Variants in ZNF469 observed in about 807,000 individuals in gnomAD.
The protein encoded by ZNF469 is zinc finger protein 469.
A neutral mutation model predicts 1.0 loss-of-function variants in ZNF469; 1 was observed. The observed-to-expected ratio is 1.00, with a 90% confidence interval of 0.35 to 4.73. The LOEUF (loss-of-function observed/expected upper bound fraction) is 4.73, where lower values mean the gene tolerates loss of function less well. Ranked by LOEUF, ZNF469 falls within the 30% of genes most tolerant of loss-of-function variation. The probability of loss-of-function intolerance (pLI) is 0.16; values close to 1 mark genes in which losing one functional copy is unlikely to be tolerated. For synonymous variants in ZNF469, 2,703 were observed against 2,363.4 expected (o/e 1.14, Z -4.17); for missense variants, 6,100 against 5,356.3 (o/e 1.14, Z -4.33).
At chr16:88,294,532 C>G in the ZNF469 span, among the ~76,000 whole-genome samples, 4 of 152,228 alleles carry the variant, frequency 2.6e-5, no homozygotes, top group Non-Finnish European at 4.4e-5. Flanking sequence ...CAAGAAAATA[C>G]AACCCTGCAT....
the ZNF469 span, among the ~76,000 whole-genome samples, chr16:88,288,931 G>A: frequency 6.6e-6 from 1 of 152,132 alleles, no homozygotes; most frequent in Non-Finnish European, 1.5e-5. Context: ...AGAGCATAAA[G>A]CAGACACTCC....
chr16:88,252,317 G>A, the ZNF469 span, among the ~76,000 whole-genome samples: 1 of 150,512 alleles, frequency 6.6e-6, no homozygotes, highest in Non-Finnish European at 1.5e-5. Context: ...TTTTCTCACT[G>A]CCAAGATCTC....
At chr16:88,204,617 C>T in the ZNF469 span, among the ~76,000 whole-genome samples, 12 of 152,200 alleles carry the variant, frequency 7.9e-5, no homozygotes, top group African/African-American at 2.4e-5. Flanking sequence ...GGTTGTGAGC[C>T]GCCTTGGCCA....
the ZNF469 span, among the ~76,000 whole-genome samples, chr16:88,271,198 G>A: frequency 1.3e-5 from 2 of 150,920 alleles, no homozygotes; most frequent in African/African-American, 2.4e-5. Flanking sequence ...CCCGGAGAGC[G>A]TGTTGACGTT....
At chr16:88,402,630 C>T (rs1904914292) in intron 1 of ZNF469, among the ~76,000 whole-genome samples, 1 of 152,146 alleles carries the variant, frequency 6.6e-6, no homozygotes, top group Non-Finnish European at 1.5e-5. Flanking sequence ...CTGGGTCTGC[C>T]CCCACGGTCA....
At chr16:88,423,672 C>G (rs1035052000) in intron 1 of ZNF469, among the ~76,000 whole-genome samples, 9 of 152,240 alleles carry the variant, frequency 5.9e-5, no homozygotes, top group Admixed American at 2.0e-4. Context: ...TCCAAAGGCC[C>G]AACGGAGTCT....
the ZNF469 span, among the ~76,000 whole-genome samples, chr16:88,326,514 C>T: frequency 2.6e-5 from 4 of 152,306 alleles, no homozygotes; most frequent in African/African-American, 4.8e-5. Context: ...TCCTGGGCCT[C>T]GGGGACATCC....
At chr16:88,284,998 C>G in the ZNF469 span, among the ~76,000 whole-genome samples, 1 of 152,262 alleles carries the variant, frequency 6.6e-6, no homozygotes, top group African/African-American at 2.4e-5. Context: ...TCCAGGCAGC[C>G]GACTCTGAGC....
the ZNF469 span, among the ~76,000 whole-genome samples, chr16:88,144,560 G>T: frequency 1.3e-5 from 2 of 152,218 alleles, no homozygotes; most frequent in Non-Finnish European, 2.9e-5. Context: ...GGACAGATGA[G>T]GTCACAGACG....
chr16:88,162,437 G>C, the ZNF469 span, among the ~76,000 whole-genome samples: 1 of 149,566 alleles, frequency 6.7e-6, no homozygotes, highest in African/African-American at 2.5e-5. Context: ...AATGAAGTTT[G>C]TAAGTATGTA....
chr16:88,150,004 C>G, the ZNF469 span, among the ~76,000 whole-genome samples: 50 of 152,342 alleles, frequency 3.3e-4, no homozygotes, highest in African/African-American at 1.2e-3. Flanking sequence ...CAGCACATCA[C>G]TGGGTTCAAA....
chr16:88,363,599 T>A, the ZNF469 span, among the ~76,000 whole-genome samples: 1 of 152,228 alleles, frequency 6.6e-6, no homozygotes, highest in Admixed American at 6.5e-5. Context: ...TCTCCTCTCC[T>A]CAGTTTTCAG....
chr16:88,325,531 T>A, the ZNF469 span, among the ~76,000 whole-genome samples: 9 of 152,346 alleles, frequency 5.9e-5, no homozygotes, highest in East Asian at 1.7e-3. Flanking sequence ...GGGCACTATG[T>A]GTGGTGGCGC....
chr16:88,416,174 G>T (rs777587518), intron 1 of ZNF469, among the ~76,000 whole-genome samples: 1 of 152,196 alleles, frequency 6.6e-6, no homozygotes, highest in Non-Finnish European at 1.5e-5. Context: ...CTCGGCTGGG[G>T]CAGTGGGAGG....
At chr16:88,378,246 G>T (rs1222554007), upstream of ZNF469, among the ~76,000 whole-genome samples, 1 of 152,204 alleles carries the variant, frequency 6.6e-6, no homozygotes. Context: ...CGGGCAGGGA[G>T]CAGGGGGCAC....
the ZNF469 span, among the ~76,000 whole-genome samples, chr16:88,293,075 G>A: frequency 1.3e-5 from 2 of 152,202 alleles, no homozygotes; most frequent in South Asian, 2.1e-4. Context: ...ACAAACTGAG[G>A]CCTGTGGATG....
At chr16:88,355,757 A>G in the ZNF469 span, among the ~76,000 whole-genome samples, 1 of 152,156 alleles carries the variant, frequency 6.6e-6, no homozygotes, top group Non-Finnish European at 1.5e-5. Flanking sequence ...CAGCATGGCG[A>G]CAGCTCTGCA....
chr16:88,193,174 A>ATGGTGG, the ZNF469 span, among the ~76,000 whole-genome samples: 43 of 5,092 alleles, frequency 8.4e-3, 14 homozygotes, highest in East Asian at 0.018. Context: ...GGTGGTGGGG[A>ATGGTGG]TGGTGGTGAT....
At chr16:88,403,600 T>G (rs1340172138) in intron 1 of ZNF469, among the ~76,000 whole-genome samples, 2 of 152,198 alleles carry the variant, frequency 1.3e-5, no homozygotes, top group Non-Finnish European at 2.9e-5. Context: ...TGGGCGAGGG[T>G]GGCAGAGCAG....
Sources: gnomAD v4.1 joint callset for allele counts (sites outside exome capture counted in the v4.1 genomes callset) on GRCh38, gnomAD v4.1.1 for gene constraint, MANE v1.5 for transcripts, NCBI Gene and HGNC (gene_info 2026-07-23, HGNC 2026-07-21) for gene names.